The following ZNF500 variants were observed in gnomAD, a reference collection of about 807,000 sequenced individuals.
ZNF500 encodes zinc finger protein with KRAB and SCAN domains 18.
In ZNF500, 31 loss-of-function variants were observed where a neutral mutation model predicts 30.1. That is an observed-to-expected ratio of 1.03 (90% CI 0.77 to 1.39). ZNF500 has a LOEUF of 1.39. Ranked by LOEUF, ZNF500 falls within the 40% of genes most tolerant of loss-of-function variation. ZNF500 has a pLI of 0.00. For synonymous variants in ZNF500, 392 were observed against 282.0 expected (o/e 1.39, Z -3.91); for missense variants, 817 against 657.8 (o/e 1.24, Z -2.65).
At chr16:4,757,797 T>C (rs2082152154) in intron 5 of ZNF500, among the ~76,000 whole-genome samples, 1 of 151,532 alleles carries the variant, frequency 6.6e-6, no homozygotes, top group Non-Finnish European at 1.5e-5. Context: ...AGAGACAGGG[T>C]TTCATCATGT....
At position 4,766,012 on chromosome 16, in the gene ZNF500, T is replaced by TA. The variant is rs2082262002; in HGVS notation, c.-35dup. ...GTGGGCCTTGTTCCTTTTCAGGCCT[T>TA]AGAGTTGAACCTGTCTCTCTCTATA... On this transcript the variant is annotated 5_prime_UTR_variant, in exon 2 of 6. Transcript: ENST00000219478. 1 of 1,517,918 alleles carries TA rather than the reference T, an allele frequency of 6.6e-7. No individual in the cohort carries two copies. Among genetic ancestry groups the TA allele is most frequent in the East Asian group, 2.3e-5 (1 of 44,222 alleles). The allele number at this position is 1,517,918 out of a possible 1,614,324, so 94.0% of individuals were successfully genotyped here. A position where few individuals can be genotyped will look rare whatever the true frequency, so the allele number is the denominator to read the frequency against.
chr16:4,745,937 A>G (rs1376685763), downstream of ZNF500, among the ~76,000 whole-genome samples: 1 of 143,820 alleles, frequency 7.0e-6, no homozygotes, highest in African/African-American at 2.5e-5. Context: ...TGGGCGACAG[A>G]GCAAGACTCT....
chr16:4,753,852 G>C (rs2082109823), intron 5 of ZNF500, among the ~76,000 whole-genome samples: 1 of 152,222 alleles, frequency 6.6e-6, no homozygotes, highest in African/African-American at 2.4e-5. Context: ...GCCCTGCTCT[G>C]GGCTGTTCTG....
chr16:4,749,697 C>G lies in ZNF500; in HGVS notation c.*2679G>C, dbSNP rs896672482. ...GCGTAGTGGTGCGCACCTGTAATCC[C>G]AGCTACTCAGGAGGCTGAGGCAGGA... On this transcript the variant is annotated 3_prime_UTR_variant, in exon 6 of 6. Transcript: ENST00000219478. The G allele has an allele frequency of 6.6e-6, 1 of 152,304 alleles. No individual in the cohort carries two copies. The highest frequency in any genetic ancestry group is 2.4e-5 in the African/African-American group (1 of 41,426). The allele number at this position is 152,304 out of a possible 1,614,324, so 9.4% of individuals were successfully genotyped here. A position where few individuals can be genotyped will look rare whatever the true frequency, so the allele number is the denominator to read the frequency against.
chr16:4,759,460 G>C (rs961916064), intron 5 of ZNF500, among the ~76,000 whole-genome samples: 4 of 152,122 alleles, frequency 2.6e-5, no homozygotes, highest in Non-Finnish European at 5.9e-5. Context: ...GTTCACTGCA[G>C]CATTATTTAC....
At chr16:4,762,200 A>G (rs960281130) in intron 4 of ZNF500, 71 bp downstream of exon 4, 1 of 1,535,418 alleles carries the variant, frequency 6.5e-7, no homozygotes. Context: ...TGTCCCCTTA[A>G]CAAGGAAGTG....
downstream of ZNF500, among the ~76,000 whole-genome samples, chr16:4,744,426 A>T (rs1359945054): frequency 2.0e-5 from 3 of 152,194 alleles, no homozygotes; most frequent in Non-Finnish European, 4.4e-5. Flanking sequence ...AGCACAGAAT[A>T]CACTGCGGCT....
At chr16:4,757,730 G>A (rs960325336) in intron 5 of ZNF500, among the ~76,000 whole-genome samples, 2 of 151,764 alleles carry the variant, frequency 1.3e-5, no homozygotes, top group African/African-American at 4.8e-5. Context: ...AGCCTCCCGA[G>A]TACCTGGGAC....
At chr16:4,760,466 A>G (rs1443042966) in intron 5 of ZNF500, 26 bp downstream of exon 5, 1 of 1,609,426 alleles carries the variant, frequency 6.2e-7, no homozygotes, top group Non-Finnish European at 8.5e-7. Flanking sequence ...CAAGCCCCCT[A>G]GAGGACACAA....
chr16:4,754,980 G>A (rs761336293), intron 5 of ZNF500, among the ~76,000 whole-genome samples: 3 of 152,102 alleles, frequency 2.0e-5, no homozygotes, highest in Non-Finnish European at 4.4e-5. Context: ...ACCTCCCCTC[G>A]CTCCTTTGCT....
At chr16:4,747,524 G>A (rs764136544), downstream of ZNF500, 10 of 1,612,940 alleles carry the variant, frequency 6.2e-6, no homozygotes, top group South Asian at 5.5e-5. Flanking sequence ...GGGGCAGAGC[G>A]CCCAGGCTCG....
At chr16:4,762,248 C>A in intron 4 of ZNF500, 23 bp downstream of exon 4, 2 of 1,608,750 alleles carry the variant, frequency 1.2e-6, no homozygotes, top group Admixed American at 1.7e-5. Context: ...CAGGATGCTG[C>A]AGACCAGGAG....
downstream of ZNF500, among the ~76,000 whole-genome samples, chr16:4,744,294 G>T (rs1335446294): frequency 6.6e-6 from 1 of 152,106 alleles, no homozygotes; most frequent in Non-Finnish European, 1.5e-5. Context: ...TAGAAAATCT[G>T]TCTTACACTC....
Position 4,751,479 on chromosome 16 carries a change from G to A in ZNF500, c.*897C>T, listed in dbSNP as rs757583670. 1.5e-5 allele frequency: 19 copies of A among 1,232,844 alleles called. No homozygotes were observed. Among genetic ancestry groups the A allele is most frequent in the Non-Finnish European group, 2.1e-5 (19 of 908,678 alleles). 76.4% of individuals were successfully genotyped at this position (1,232,844 alleles called of 1,614,324 possible). A position where few individuals can be genotyped will look rare whatever the true frequency, so the allele number is the denominator to read the frequency against. Reference sequence around the variant, plus strand: ...CGCCCCAGGTGTCTTCCGCCCTGCAGAGCAGCTATGGATCTGCAAAGGGGA... The same window carrying A: ...CGCCCCAGGTGTCTTCCGCCCTGCAAAGCAGCTATGGATCTGCAAAGGGGA... On this transcript the variant is annotated 3_prime_UTR_variant, in exon 6 of 6. Transcript: ENST00000219478.
chr16:4,761,474 TACATACAC>T (rs1407034536), intron 4 of ZNF500, among the ~76,000 whole-genome samples: 46 of 34,444 alleles, frequency 1.3e-3, no homozygotes, highest in Middle Eastern at 0.016. Flanking sequence ...CAAATACACA[TACATACAC>T]ACACACACAC....
intron 4 of ZNF500, 77 bp from the exon 5 acceptor site, chr16:4,760,665 G>A (rs1805547279): frequency 9.8e-6 from 13 of 1,321,700 alleles, no homozygotes; most frequent in African/African-American, 1.5e-5. Context: ...GGCCCAGGGA[G>A]CTGCACCGCC....
At chr16:4,746,797 A>ACC (rs1416930154), downstream of ZNF500, 6 of 887,798 alleles carry the variant, frequency 6.8e-6, no homozygotes, top group Admixed American at 1.9e-4. Flanking sequence ...CAGGACGTCC[A>ACC]CCGGCCTCCA....
chr16:4,765,345 C>G (rs55839509), intron 2 of ZNF500, among the ~76,000 whole-genome samples: 10,418 of 152,140 alleles, frequency 0.068, 457 homozygotes, highest in Middle Eastern at 0.11. Flanking sequence ...CACAAACCAT[C>G]TGCACTAGCT....
rs2082175978 is a variant in ZNF500 at position 4,759,689 on chromosome 16, T to C, written c.760+803A>G. On this transcript the variant is annotated intron_variant, in intron 5 of 5. Transcript: ENST00000219478. ...GTGTGTGTGTATCTTCTGTTGGTTC[T>C]GTTTCTCTGGAGAAGAACCCTAATA... Among the ~76,000 whole-genome samples the C allele has an allele frequency of 5.9e-5, 9 of 152,340 alleles. No homozygotes were observed. The South Asian group carries it at 1.9e-3, about 32-fold the overall frequency.
Sources: allele counts gnomAD v4.1 joint callset (sites outside exome capture counted in the v4.1 genomes callset), GRCh38; gene constraint gnomAD v4.1.1; transcripts MANE v1.5; gene names NCBI Gene and HGNC (gene_info 2026-07-23, HGNC 2026-07-21).